The following GOLM2 variants were observed in gnomAD, a reference collection of about 807,000 sequenced individuals.
The protein encoded by GOLM2 is protein GOLM2.
Under a neutral mutation model 55.9 loss-of-function variants are expected in GOLM2, and 26 were observed. The ratio of observed to expected loss-of-function variants is 0.47; its 90% confidence interval spans 0.34 to 0.65. The LOEUF is 0.65. GOLM2 is among the 30% of genes least tolerant of loss of function. The probability of loss-of-function intolerance (pLI) is 0.01; values close to 1 mark genes in which losing one functional copy is unlikely to be tolerated. For synonymous variants in GOLM2, 165 were observed against 194.6 expected (o/e 0.85, Z 1.27); for missense variants, 486 against 531.8 (o/e 0.91, Z 0.85).
intron 2 of GOLM2, 122 bp downstream of exon 2, chr15:44,323,141 G>A: frequency 3.4e-6 from 2 of 581,194 alleles, no homozygotes; most frequent in Non-Finnish European, 3.0e-6. Context: ...CTCCTCTGAT[G>A]GTAAAACATT....
In GOLM2 at chr15:44,289,330, C is replaced by T. The variant is rs1302284768; in HGVS notation, c.301C>T (p.Leu101Phe). 2 of 1,612,964 alleles carry T rather than the reference C, an allele frequency of 1.2e-6. No individual in the cohort carries two copies. Among genetic ancestry groups the T allele is most frequent in the Non-Finnish European group, 1.7e-6 (2 of 1,179,656 alleles). Residue 101 changes from leucine (L) to phenylalanine (F), a missense_variant, in exon 1 of 10, where the codon CTC becomes TTC. By Grantham distance (22) the Leu-to-Phe change is conservative (BLOSUM62 0). Coordinates refer to ENST00000299957, the MANE Select transcript of GOLM2 (RefSeq NM_138423.4). The surrounding 1 kb of genome is among the most constrained non-coding windows in gnomAD (Gnocchi z 4.8). Reference protein sequence around the residue: ...LSSRLQAREGLGKRCEDDKVK... With the variant: ...LSSRLQAREGFGKRCEDDKVK... ...CAGCCGGCTGCAGGCCAGAGAGGGC[C>T]TCGGGAAGAGATGCGAGGATGACAA...
chr15:44,297,726 TA>T (rs1262381937), intron 1 of GOLM2, among the ~76,000 whole-genome samples: 10 of 151,268 alleles, frequency 6.6e-5, no homozygotes, highest in African/African-American at 2.2e-4. Flanking sequence ...CAGGCCCAGC[TA>T]AATTTTTTGT....
chr15:44,366,803 A>G (rs1471895966), intron 6 of GOLM2, among the ~76,000 whole-genome samples: 2 of 152,108 alleles, frequency 1.3e-5, no homozygotes, highest in African/African-American at 4.8e-5. Context: ...TCAAGGTTAC[A>G]GTTCACTATA....
At chr15:44,399,716 C>T (rs112262839) in intron 8 of GOLM2, among the ~76,000 whole-genome samples, 4,598 of 152,184 alleles carry the variant, frequency 0.03, 243 homozygotes, top group African/African-American at 0.1. Context: ...AAATGAAGGC[C>T]GAGCGTGGTG....
intron 6 of GOLM2, among the ~76,000 whole-genome samples, chr15:44,360,875 A>G (rs1442238287): frequency 1.3e-5 from 2 of 152,212 alleles, no homozygotes; most frequent in African/African-American, 4.8e-5. Flanking sequence ...AGTGCAATCA[A>G]GCTAGAACTC....
At chr15:44,370,453 C>T (rs2079322467) in intron 6 of GOLM2, among the ~76,000 whole-genome samples, 1 of 152,116 alleles carries the variant, frequency 6.6e-6, no homozygotes, top group African/African-American at 2.4e-5. Flanking sequence ...GTCCCAACTA[C>T]TCAGAAGGGT....
intron 2 of GOLM2, among the ~76,000 whole-genome samples, chr15:44,323,996 C>T (rs1446352552): frequency 6.6e-6 from 1 of 152,154 alleles, no homozygotes; most frequent in East Asian, 1.9e-4. Flanking sequence ...CTTTCTGGGT[C>T]ATCACATGGG....
At chr15:44,320,647 T>TG (rs2078942490) in intron 1 of GOLM2, among the ~76,000 whole-genome samples, 2 of 152,132 alleles carry the variant, frequency 1.3e-5, no homozygotes, top group Non-Finnish European at 2.9e-5. Context: ...CACCCAGGAC[T>TG]CGGGGGGGTG....
At chr15:44,326,658 T>G (rs1420967823) in intron 2 of GOLM2, among the ~76,000 whole-genome samples, 1 of 149,930 alleles carries the variant, frequency 6.7e-6, no homozygotes, top group Non-Finnish European at 1.5e-5. Context: ...TTTATAGTTT[T>G]TTTTTTTTTT....
At chr15:44,354,335 A>G (rs1331258392) in intron 6 of GOLM2, among the ~76,000 whole-genome samples, 1 of 151,202 alleles carries the variant, frequency 6.6e-6, no homozygotes, top group East Asian at 1.9e-4. Context: ...GCATTAGGAG[A>G]TATACCTAAT....
chr15:44,364,072 T>C (rs1410674606), intron 6 of GOLM2, among the ~76,000 whole-genome samples: 1 of 151,900 alleles, frequency 6.6e-6, no homozygotes, highest in African/African-American at 2.4e-5. Flanking sequence ...AGGGATAGCA[T>C]TGGGAGATAT....
At chr15:44,408,615 A>G (rs1322515723) in intron 9 of GOLM2, among the ~76,000 whole-genome samples, 1 of 152,194 alleles carries the variant, frequency 6.6e-6, no homozygotes, top group Non-Finnish European at 1.5e-5. Flanking sequence ...GTGAGCTGGG[A>G]GTACATTTGT....
At chr15:44,315,098 C>G (rs867597876) in intron 1 of GOLM2, among the ~76,000 whole-genome samples, 1 of 152,142 alleles carries the variant, frequency 6.6e-6, no homozygotes, top group African/African-American at 2.4e-5. Flanking sequence ...TGGGCCTTTC[C>G]CAGACTACTG....
intron 6 of GOLM2, among the ~76,000 whole-genome samples, chr15:44,378,618 A>G (rs2079380877): frequency 6.6e-6 from 1 of 151,802 alleles, no homozygotes; most frequent in Admixed American, 6.6e-5. Context: ...AATAAAAGAA[A>G]AGAAAAGAAA....
At chr15:44,301,982 A>T (rs2078801650) in intron 1 of GOLM2, among the ~76,000 whole-genome samples, 1 of 151,282 alleles carries the variant, frequency 6.6e-6, no homozygotes, top group South Asian at 2.1e-4. Flanking sequence ...ACAGAGTGAG[A>T]TCCTATCTCA....
At chr15:44,364,686 T>C (rs2079271380) in intron 6 of GOLM2, among the ~76,000 whole-genome samples, 1 of 150,226 alleles carries the variant, frequency 6.7e-6, no homozygotes. Context: ...AAGAGTGAGA[T>C]CCTGTCTCAA....
At chr15:44,404,543 T>C (rs1484017578) in intron 9 of GOLM2, among the ~76,000 whole-genome samples, 4 of 152,184 alleles carry the variant, frequency 2.6e-5, no homozygotes, top group Non-Finnish European at 5.9e-5. Flanking sequence ...TATAATCTCA[T>C]CCTTTTTTCA....
intron 1 of GOLM2, among the ~76,000 whole-genome samples, chr15:44,303,535 A>T (rs901426607): frequency 8.5e-5 from 13 of 152,142 alleles, no homozygotes; most frequent in African/African-American, 3.1e-4. Context: ...ATATAATGAA[A>T]AAAAGTTTGA....
intron 8 of GOLM2, among the ~76,000 whole-genome samples, chr15:44,383,401 CA>C (rs2079418015): frequency 6.6e-6 from 1 of 151,974 alleles, no homozygotes; most frequent in African/African-American, 2.4e-5. Flanking sequence ...TTCTCTAGAA[CA>C]GTTTTAAAGT....
Sources: allele counts gnomAD v4.1 joint callset (sites outside exome capture counted in the v4.1 genomes callset), GRCh38; gene constraint gnomAD v4.1.1; non-coding constraint Gnocchi (gnomAD v3.1); transcripts MANE v1.5; gene names NCBI Gene and HGNC (gene_info 2026-07-23, HGNC 2026-07-21).